MYZAP: variants seen among roughly 807,000 people sequenced by gnomAD.
MYZAP encodes the protein myocardial zonula adherens protein, also known as GRINL1A complex locus upstream.
Under a neutral mutation model 69.4 loss-of-function variants are expected in MYZAP, and 66 were observed. That is an observed-to-expected ratio of 0.95 (90% CI 0.78 to 1.17). MYZAP has a LOEUF of 1.17. MYZAP is among the 50% of genes most tolerant of loss of function. The pLI is 0.00. For missense variants in MYZAP, 611 were observed against 556.2 expected (o/e 1.10, Z -0.99); for synonymous variants, 256 against 205.9 (o/e 1.24, Z -2.09).
intron 2 of MYZAP, among the ~76,000 whole-genome samples, chr15:57,608,089 G>A (rs1360330096): frequency 1.3e-5 from 2 of 152,212 alleles, no homozygotes; most frequent in Non-Finnish European, 1.5e-5. Context: ...AGATATGTGA[G>A]TAGAAAGTTG....
chr15:57,630,891 A>T (rs2036461590), intron 6 of MYZAP, among the ~76,000 whole-genome samples: 1 of 152,176 alleles, frequency 6.6e-6, no homozygotes, highest in South Asian at 2.1e-4. Flanking sequence ...TACTATTGGT[A>T]ATTTAGTTAG....
In MYZAP at chr15:57,595,435, G is replaced by C. The variant is rs77582875; in HGVS notation, c.75+3326G>C. Among the ~76,000 whole-genome samples the C allele has an allele frequency of 1.7e-3, 255 of 152,260 alleles. 7 individuals carry two copies. The East Asian group carries it at 0.043, about 26-fold the overall frequency. On this transcript the variant is annotated intron_variant, in intron 1 of 12. Coordinates refer to ENST00000267853, the MANE Select transcript of MYZAP (RefSeq NM_001018100.5). Reference sequence around the variant, plus strand: ...AAACGATTTTAAAAATATTGACCTTGCTTCATGCTTTTGAAAGGAATTTTA... The same window carrying C: ...AAACGATTTTAAAAATATTGACCTTCCTTCATGCTTTTGAAAGGAATTTTA...
At chr15:57,639,990 T>C (rs1284523303) in intron 10 of MYZAP, among the ~76,000 whole-genome samples, 1 of 152,124 alleles carries the variant, frequency 6.6e-6, no homozygotes, top group Non-Finnish European at 1.5e-5. Flanking sequence ...TCATTCCCTT[T>C]CCTTGTCTGT....
At chr15:57,602,410 G>A (rs1251114171) in intron 1 of MYZAP, among the ~76,000 whole-genome samples, 2 of 151,970 alleles carry the variant, frequency 1.3e-5, no homozygotes, top group East Asian at 1.9e-4. Context: ...TATGATGATC[G>A]CCCTGTATGT....
chr15:57,640,778 A>G (rs2037105375), intron 10 of MYZAP, among the ~76,000 whole-genome samples: 1 of 152,180 alleles, frequency 6.6e-6, no homozygotes, highest in Admixed American at 6.5e-5. Flanking sequence ...AATCATGTAC[A>G]TCTTATATTG....
intron 3 of MYZAP, among the ~76,000 whole-genome samples, chr15:57,620,596 A>C (rs2035745441): frequency 6.6e-6 from 1 of 152,216 alleles, no homozygotes; most frequent in Non-Finnish European, 1.5e-5. Flanking sequence ...CGTTTGTGTA[A>C]ACAAGTGTTT....
Position 57,629,628 on chromosome 15 carries a change from G to A in MYZAP, c.526-74G>A, listed in dbSNP as rs551348896. 223 of 1,544,058 alleles carry A rather than the reference G, an allele frequency of 1.4e-4. No individual in the cohort carries two copies. In the African/African-American group the frequency reaches 2.5e-3, roughly 17 times the overall value. The stretch of plus-strand genomic sequence containing the variant: ...CCCCAGTGCTTAATGATAAGGGGAT[G>A]CCCCAGCATGTGGTGCAGCCCATGT... On this transcript the variant is annotated intron_variant, in intron 5 of 12. Coordinates refer to ENST00000267853, the MANE Select transcript of MYZAP (RefSeq NM_001018100.5).
intron 10 of MYZAP, among the ~76,000 whole-genome samples, chr15:57,654,587 T>C (rs2037913771): frequency 6.6e-6 from 1 of 152,228 alleles, no homozygotes; most frequent in Non-Finnish European, 1.5e-5. Flanking sequence ...CTGTGTTTTC[T>C]TCATTAATTT....
chr15:57,632,678 A>T, intron 7 of MYZAP, 119 bp downstream of exon 7: 1 of 1,480,892 alleles, frequency 6.8e-7, no homozygotes. Context: ...AGCCATGGGT[A>T]AGGGATCAAG....
At chr15:57,668,908 G>A (rs1330131950) in intron 11 of MYZAP, among the ~76,000 whole-genome samples, 1 of 111,372 alleles carries the variant, frequency 9.0e-6, no homozygotes, top group Admixed American at 8.7e-5. Context: ...TTTTTTTTTT[G>A]CAATGGGGTC....
chr15:57,599,775 A>G (rs1255244746), intron 1 of MYZAP: 4 of 1,145,926 alleles, frequency 3.5e-6, no homozygotes, highest in Non-Finnish European at 2.3e-6. Flanking sequence ...GAATGAATGG[A>G]GGGAGGTAGA....
chr15:57,613,051 C>A (rs889258917), intron 2 of MYZAP, among the ~76,000 whole-genome samples: 2 of 152,146 alleles, frequency 1.3e-5, no homozygotes, highest in Non-Finnish European at 2.9e-5. Context: ...CCTGCCTCAG[C>A]CTCCCAAGTA....
chr15:57,661,439 T>C lies in MYZAP; in HGVS notation c.1120-11T>C, dbSNP rs1199585957. ...TTTTTGATTAACAATTTTCCATCCC[T>C]TTCTTTCTAGATTGAATCATTAAAG... On this transcript the variant is annotated splice_polypyrimidine_tract_variant and intron_variant, in intron 10 of 12. Coordinates refer to ENST00000267853, the MANE Select transcript of MYZAP (RefSeq NM_001018100.5). The C allele has an allele frequency of 1.2e-6, 2 of 1,600,624 alleles. No homozygotes were observed. Among genetic ancestry groups the C allele is most frequent in the African/African-American group, 1.3e-5 (1 of 74,518 alleles).
chr15:57,640,232 A>G (rs905591183), intron 10 of MYZAP, among the ~76,000 whole-genome samples: 1 of 152,240 alleles, frequency 6.6e-6, no homozygotes, highest in Admixed American at 6.5e-5. Flanking sequence ...TTGTGTCAAT[A>G]TAATCCGCCT....
Position 57,684,497 on chromosome 15 carries a change from A to G in MYZAP, c.1400A>G (p.Ter467TrpextTer26). 6.3e-7 allele frequency: 1 copy of G among 1,574,868 alleles called. No homozygotes were observed. Among genetic ancestry groups the G allele is most frequent in the South Asian group, 1.1e-5 (1 of 89,288 alleles). Residue 467 changes from the stop codon to tryptophan (W), a stop_lost, in exon 13 of 13, where the codon TAG becomes TGG. Transcript: ENST00000267853. ...TTAACCATGAAGAAAACTCTGACTT[A>G]GGCACTCAGAGGCATACACTTTTTA... ...LELTMKKTLT[*>W]
At chr15:57,670,825 G>C (rs1413917866) in intron 11 of MYZAP, among the ~76,000 whole-genome samples, 1 of 151,910 alleles carries the variant, frequency 6.6e-6, no homozygotes, top group South Asian at 2.1e-4. Context: ...GCTGTTCACT[G>C]TGCACCTAGA....
chr15:57,613,113 T>C lies in MYZAP; in HGVS notation c.163-4920T>C, dbSNP rs12594070. 3.1e-3 allele frequency among the ~76,000 whole-genome samples: 478 copies of C among 151,854 alleles called. 24 individuals carry two copies. The East Asian group carries it at 0.078, about 25-fold the overall frequency. ...CGCCTGGCTAATTTTTTTGTATTTTTATTAGAGATGGGGTTTCACCGTGTT... is the reference window on the plus strand; with the variant it reads ...CGCCTGGCTAATTTTTTTGTATTTTCATTAGAGATGGGGTTTCACCGTGTT... On this transcript the variant is annotated intron_variant, in intron 2 of 12. Coordinates refer to ENST00000267853, the MANE Select transcript of MYZAP (RefSeq NM_001018100.5).
chr15:57,599,745 A>G lies in MYZAP; in HGVS notation c.76-4524A>G, dbSNP rs752482811. 24 of 1,272,418 alleles carry G rather than the reference A, an allele frequency of 1.9e-5. No individual in the cohort carries two copies. The East Asian group carries it at 5.0e-4, about 27-fold the overall frequency. The allele number at this position is 1,272,418 out of a possible 1,614,324, so 78.8% of individuals were successfully genotyped here. The stretch of plus-strand genomic sequence containing the variant: ...TGATGTTACTCGGGGAGATTTTCCC[A>G]TGGGGAGATTGCGGAAGGTGAATGA... On this transcript the variant is annotated intron_variant, in intron 1 of 12. Coordinates refer to ENST00000267853, the MANE Select transcript of MYZAP (RefSeq NM_001018100.5).
chr15:57,679,984 C>T lies in MYZAP; in HGVS notation c.1305-4418C>T, dbSNP rs78192325. Reference sequence around the variant, plus strand: ...TAGACCTGGGTTTGGGTCCTGAGTCCGCCTCCTGCTTTATCTGCAGCTTTG... The same window carrying T: ...TAGACCTGGGTTTGGGTCCTGAGTCTGCCTCCTGCTTTATCTGCAGCTTTG... On this transcript the variant is annotated intron_variant, in intron 12 of 12. Transcript: ENST00000267853. Among the ~76,000 whole-genome samples the T allele has an allele frequency of 3.0e-3, 453 of 152,298 alleles. 8 individuals carry two copies. Among genetic ancestry groups the T allele is most frequent in the African/African-American group, 0.011 (438 of 41,562 alleles).
Sources: allele counts gnomAD v4.1 joint callset (sites outside exome capture counted in the v4.1 genomes callset), GRCh38; gene constraint gnomAD v4.1.1; transcripts MANE v1.5; gene names NCBI Gene and HGNC (gene_info 2026-07-23, HGNC 2026-07-21).